Variants in MBOAT1 observed in about 807,000 individuals in gnomAD.
MBOAT1 encodes membrane-bound glycerophospholipid O-acyltransferase 1.
A neutral mutation model predicts 64.4 loss-of-function variants in MBOAT1; 67 were observed. That is an observed-to-expected ratio of 1.04 (90% CI 0.85 to 1.27). MBOAT1 has a LOEUF of 1.27. Ranked by LOEUF, MBOAT1 falls within the 50% of genes most tolerant of loss-of-function variation. The pLI is 0.00. For synonymous variants in MBOAT1, 229 were observed against 218.9 expected, an observed-to-expected ratio of 1.05 and a Z score of -0.41; for missense variants, 563 against 604.6, an observed-to-expected ratio of 0.93 and a Z score of 0.72.
At chr6:20,180,351 C>T (rs1271768459) in intron 1 of MBOAT1, among the ~76,000 whole-genome samples, 1 of 152,108 alleles carries the variant, frequency 6.6e-6, no homozygotes, top group Non-Finnish European at 1.5e-5. Context: ...TCCGATTTCC[C>T]CTTCATTCCT....
rs928282062 is a variant in MBOAT1, at chr6:20,193,756, G to A, written c.99+18380C>T. Among the ~76,000 whole-genome samples the A allele has an allele frequency of 7.3e-5, 11 of 151,702 alleles. No individual in the cohort carries two copies. In the Middle Eastern group the frequency reaches 0.01, roughly 142 times the overall value. ...CAAGTAGCTGGGACTATAGGCACCC[G>A]CCACCACACCCAGCTAATTTTTGTA... On this transcript the variant is annotated intron_variant, in intron 1 of 12. Coordinates refer to ENST00000324607, the MANE Select transcript of MBOAT1 (RefSeq NM_001080480.3).
At chr6:20,139,546 C>CTTTTTT (rs70990010) in intron 4 of MBOAT1, among the ~76,000 whole-genome samples, 5 of 69,186 alleles carry the variant, frequency 7.2e-5, no homozygotes, top group Non-Finnish European at 1.1e-4. Context: ...ACATTTTAAC[C>CTTTTTT]TTTTTTTTTT....
At chr6:20,167,942 C>G (rs1474137140) in intron 1 of MBOAT1, among the ~76,000 whole-genome samples, 1 of 152,166 alleles carries the variant, frequency 6.6e-6, no homozygotes, top group Non-Finnish European at 1.5e-5. Flanking sequence ...CTCAAAGTCA[C>G]TAATTAGAGT....
chr6:20,123,884 A>G (rs2457328), intron 8 of MBOAT1, among the ~76,000 whole-genome samples: 3,330 of 151,902 alleles, frequency 0.022, 75 homozygotes, highest in African/African-American at 0.055. Flanking sequence ...GTGAAACCCC[A>G]TCTCTACTAA....
At chr6:20,152,354 TAAA>T (rs1561765723) in intron 2 of MBOAT1, among the ~76,000 whole-genome samples, 853 of 52,672 alleles carry the variant, frequency 0.016, 10 homozygotes, top group African/African-American at 0.044. Flanking sequence ...AATAAATAAA[TAAA>T]TAAATAAATT....
intron 3 of MBOAT1, among the ~76,000 whole-genome samples, chr6:20,147,378 G>A (rs533999515): frequency 6.6e-6 from 1 of 152,348 alleles, no homozygotes; most frequent in South Asian, 2.1e-4. Context: ...GATGGCTCAC[G>A]CCTGTTATCC....
At chr6:20,127,268 A>G (rs1202307059) in intron 6 of MBOAT1, among the ~76,000 whole-genome samples, 1 of 152,170 alleles carries the variant, frequency 6.6e-6, no homozygotes, top group Non-Finnish European at 1.5e-5. Context: ...AAGTCTGTAG[A>G]GAACTGTTCT....
At chr6:20,157,729 C>G (rs906191139) in intron 1 of MBOAT1, among the ~76,000 whole-genome samples, 4 of 150,442 alleles carry the variant, frequency 2.7e-5, no homozygotes, top group Admixed American at 1.3e-4. Flanking sequence ...AAATGGAAGA[C>G]GTTAAACTGT....
intron 1 of MBOAT1, among the ~76,000 whole-genome samples, chr6:20,205,745 C>G (rs1162477305): frequency 6.6e-6 from 1 of 152,174 alleles, no homozygotes; most frequent in Admixed American, 6.5e-5. Flanking sequence ...TGCCCTCAGA[C>G]TGCTTCCAAA....
At chr6:20,177,877 C>T (rs1412429248) in intron 1 of MBOAT1, among the ~76,000 whole-genome samples, 1 of 151,930 alleles carries the variant, frequency 6.6e-6, no homozygotes, top group Non-Finnish European at 1.5e-5. Context: ...TTGTCTCTTT[C>T]CCCAAAGCTC....
At chr6:20,192,721 T>C (rs1432436995) in intron 1 of MBOAT1, among the ~76,000 whole-genome samples, 2 of 152,166 alleles carry the variant, frequency 1.3e-5, no homozygotes, top group Non-Finnish European at 2.9e-5. Flanking sequence ...TCATCTGATA[T>C]TCATAACAAC....
At chr6:20,186,515 G>T (rs1762658505) in intron 1 of MBOAT1, among the ~76,000 whole-genome samples, 1 of 152,198 alleles carries the variant, frequency 6.6e-6, no homozygotes, top group Non-Finnish European at 1.5e-5. Context: ...AGAAGAAACT[G>T]TTGCCTTGTA....
intron 1 of MBOAT1, among the ~76,000 whole-genome samples, chr6:20,196,276 TGCACAACAGAACATAA>T (rs1206357282): frequency 6.6e-6 from 1 of 152,104 alleles, no homozygotes; most frequent in Non-Finnish European, 1.5e-5. Flanking sequence ...CCACAGATAA[TGCACAACAGAACATAA>T]GCACCCAATC....
chr6:20,180,310 C>T lies in MBOAT1; in HGVS notation c.100-27541G>A, dbSNP rs144448542. Among the ~76,000 whole-genome samples the T allele has an allele frequency of 3.9e-4, 60 of 152,254 alleles. 1 individual carries two copies. Among genetic ancestry groups the T allele is most frequent in the African/African-American group, 1.4e-3 (58 of 41,548 alleles). ...ACTTTCATGGGCTCTTTTCAACAAA[C>T]CCTGATAGCTCTTGATGTCCTCCTA... On this transcript the variant is annotated intron_variant, in intron 1 of 12. Transcript: ENST00000324607.
intron 8 of MBOAT1, 142 bp downstream of exon 8, chr6:20,124,266 C>T (rs943920784): frequency 5.2e-5 from 38 of 728,030 alleles, no homozygotes; most frequent in Non-Finnish European, 7.1e-5. Context: ...TATGTTGGTA[C>T]GTTAAAACTG....
intron 1 of MBOAT1, among the ~76,000 whole-genome samples, chr6:20,177,792 CAAAAAA>C (rs1561777426): frequency 1.7e-5 from 1 of 57,184 alleles, no homozygotes; most frequent in Non-Finnish European, 4.3e-5. Context: ...AAAAAAAAAA[CAAAAAA>C]CTTGGTAAAT....
intron 1 of MBOAT1, among the ~76,000 whole-genome samples, chr6:20,192,647 C>T (rs377521326): frequency 1.3e-5 from 2 of 152,216 alleles, no homozygotes; most frequent in Admixed American, 1.3e-4. Context: ...TGGGAAATAA[C>T]AGGAAACAAC....
intron 3 of MBOAT1, 125 bp from the exon 4 acceptor site, chr6:20,144,440 G>A (rs1277553347): frequency 1.9e-5 from 12 of 644,612 alleles, no homozygotes; most frequent in Admixed American, 1.1e-4. Flanking sequence ...CTGGTCTGAC[G>A]ACATCCCAGG....
rs5874753 is a variant in MBOAT1, at chr6:20,169,607, T to TAAAAAAAAAAAAGAAAAGTA, written c.100-16839_100-16838insTACTTTTCTTTTTTTTTTTT. ...AGTCAAAGTAACTACAATTCTCCGT[T>TAAAAAAAAAAAAGAAAAGTA]AAAAAAAAAAAGAAAAGTAAAGAAA... On this transcript the variant is annotated intron_variant, in intron 1 of 12. Coordinates refer to ENST00000324607, the MANE Select transcript of MBOAT1 (RefSeq NM_001080480.3). Among the ~76,000 whole-genome samples, 4 of 146,350 alleles carry TAAAAAAAAAAAAGAAAAGTA rather than the reference T, an allele frequency of 2.7e-5. No individual in the cohort carries two copies. The South Asian group carries it at 8.6e-4, about 31-fold the overall frequency.
Sources: allele counts gnomAD v4.1 joint callset (sites outside exome capture counted in the v4.1 genomes callset), GRCh38; gene constraint gnomAD v4.1.1; transcripts MANE v1.5; gene names NCBI Gene and HGNC (gene_info 2026-07-23, HGNC 2026-07-21).